RTN4: variants seen among roughly 807,000 people sequenced by gnomAD.
The protein encoded by RTN4 is reticulon 4, also known as reticulon-4.
In RTN4, 32 loss-of-function variants were observed where a neutral mutation model predicts 90.4. That is an observed-to-expected ratio of 0.35 (90% CI 0.27 to 0.48). The LOEUF (loss-of-function observed/expected upper bound fraction) is 0.48, where lower values mean the gene tolerates loss of function less well. RTN4 is among the 20% of genes least tolerant of loss of function. The pLI is 0.99. For missense variants in RTN4, 1,706 were observed against 1,430.2 expected, an observed-to-expected ratio of 1.19 and a Z score of -3.11; for synonymous variants, 629 against 552.5, an observed-to-expected ratio of 1.14 and a Z score of -1.94.
At chr2:55,006,873 G>A (rs186448106) in intron 3 of RTN4, among the ~76,000 whole-genome samples, 99 of 151,962 alleles carry the variant, frequency 6.5e-4, no homozygotes, top group South Asian at 1.2e-3. Context: ...CCCTAAAGCC[G>A]CAGACCTCCA....
intron 1 of RTN4, among the ~76,000 whole-genome samples, chr2:55,046,126 T>C (rs1220574654): frequency 6.6e-6 from 1 of 152,210 alleles, no homozygotes; most frequent in Non-Finnish European, 1.5e-5. Context: ...CAAGTGTCAG[T>C]GATCTAGAAA....
chr2:55,076,673 C>G (rs1400365291), intron 2 of RTN4, among the ~76,000 whole-genome samples: 1 of 151,990 alleles, frequency 6.6e-6, no homozygotes, highest in Non-Finnish European at 1.5e-5. Context: ...GGATTACAGG[C>G]GAGAGCCACT....
intron 1 of RTN4, among the ~76,000 whole-genome samples, chr2:55,106,417 C>A (rs1667944065): frequency 6.6e-6 from 1 of 152,072 alleles, no homozygotes; most frequent in African/African-American, 2.4e-5. Context: ...ATCTTTGTGT[C>A]TCCCAAAGCC....
chr2:55,084,068 A>G (rs1199876297), intron 1 of RTN4, among the ~76,000 whole-genome samples: 1 of 152,010 alleles, frequency 6.6e-6, no homozygotes. Flanking sequence ...TTTCAGCCCT[A>G]CTCTGCAACC....
intron 1 of RTN4, among the ~76,000 whole-genome samples, chr2:55,082,284 A>C (rs1668735460): frequency 6.6e-6 from 1 of 152,222 alleles, no homozygotes. Flanking sequence ...AGAAACGATC[A>C]TATATCACCT....
chr2:54,993,821 T>C (rs1012588151), intron 3 of RTN4, among the ~76,000 whole-genome samples: 1 of 152,098 alleles, frequency 6.6e-6, no homozygotes, highest in Non-Finnish European at 1.5e-5. Context: ...ACACATAAGA[T>C]AATATGAATA....
intron 1 of RTN4, among the ~76,000 whole-genome samples, chr2:55,030,204 TA>T (rs1453502423): frequency 1.3e-5 from 2 of 152,186 alleles, no homozygotes; most frequent in Non-Finnish European, 2.9e-5. Context: ...AGTATTTTTT[TA>T]ATGTACTGTA....
At chr2:54,976,957 A>G (rs930009688) in intron 5 of RTN4, among the ~76,000 whole-genome samples, 1 of 152,226 alleles carries the variant, frequency 6.6e-6, no homozygotes. Flanking sequence ...GATCTAACAA[A>G]TACTTACTGA....
intron 4 of RTN4, among the ~76,000 whole-genome samples, chr2:54,984,268 T>C (rs138403213): frequency 1.2e-3 from 188 of 152,340 alleles, no homozygotes; most frequent in African/African-American, 4.3e-3. Context: ...CTCTGAAATA[T>C]AGACACATGT....
chr2:55,066,693 A>AAAATAAAT (rs201230678), intron 2 of RTN4, among the ~76,000 whole-genome samples: 3,436 of 145,480 alleles, frequency 0.024, 45 homozygotes, highest in Middle Eastern at 0.055. Context: ...CTCCATCTCA[A>AAAATAAAT]AAATAAATAA....
At chr2:55,010,385 C>A in intron 3 of RTN4, 1 of 1,275,912 alleles carries the variant, frequency 7.8e-7, no homozygotes, top group Non-Finnish European at 9.9e-7. Flanking sequence ...TTGTTTTAGG[C>A]ATTTGCCTTG....
chr2:55,118,392 G>C, the RTN4 span, among the ~76,000 whole-genome samples: 2 of 152,014 alleles, frequency 1.3e-5, no homozygotes, highest in Non-Finnish European at 2.9e-5. Context: ...TGGAGCTCAA[G>C]AGGTCAAGGC....
In RTN4 at chr2:54,981,873, C is replaced by T. The variant is rs535295872; in HGVS notation, c.3360+642G>A. On this transcript the variant is annotated intron_variant, in intron 5 of 8. Coordinates refer to ENST00000337526, the MANE Select transcript of RTN4 (RefSeq NM_020532.5). ...TGAATAAATCTGATAATGCATTAGA[C>T]GATCTTTATGCTTATAGTCAAAATT... Among the ~76,000 whole-genome samples, 142 of 151,406 alleles carry T rather than the reference C, an allele frequency of 9.4e-4. 1 individual carries two copies. Among genetic ancestry groups the T allele is most frequent in the Non-Finnish European group, 1.9e-3 (130 of 67,852 alleles).
chr2:55,055,811 C>T (rs545186375), upstream of RTN4, among the ~76,000 whole-genome samples: 10 of 151,602 alleles, frequency 6.6e-5, no homozygotes, highest in Non-Finnish European at 1.5e-4. Flanking sequence ...ACCTACTGAC[C>T]ATCTAGGCTC....
chr2:54,973,214 T>G lies in RTN4; in HGVS notation c.3537-16A>C, dbSNP rs1193322178. The stretch of plus-strand genomic sequence containing the variant: ...TGCTTGGATTCTGAAAATGAAAAAG[T>G]CAATGTAAATATCAGTTTTGTTTGC... On this transcript the variant is annotated splice_polypyrimidine_tract_variant and intron_variant, in intron 8 of 8. Coordinates refer to ENST00000337526, the MANE Select transcript of RTN4 (RefSeq NM_020532.5). 1 of 1,597,838 alleles carries G rather than the reference T, an allele frequency of 6.3e-7. No individual in the cohort carries two copies. The highest frequency in any genetic ancestry group is 8.6e-7 in the Non-Finnish European group (1 of 1,166,780).
At chr2:55,074,445 A>G (rs912566542) in intron 2 of RTN4, among the ~76,000 whole-genome samples, 1 of 150,466 alleles carries the variant, frequency 6.6e-6, no homozygotes, top group Non-Finnish European at 1.5e-5. Flanking sequence ...TGAGGCTTCA[A>G]TGAGCTGTGA....
At chr2:54,975,925 C>T (rs1205250932) in intron 5 of RTN4, among the ~76,000 whole-genome samples, 1 of 152,128 alleles carries the variant, frequency 6.6e-6, no homozygotes, top group Non-Finnish European at 1.5e-5. Context: ...TTTTTTTAAG[C>T]TGCCGTATTC....
chr2:55,118,303 A>G, the RTN4 span, among the ~76,000 whole-genome samples: 4 of 152,072 alleles, frequency 2.6e-5, no homozygotes, highest in African/African-American at 7.2e-5. Flanking sequence ...TGCCTCTACA[A>G]ATATTTTAAA....
chr2:55,118,399 A>G, the RTN4 span, among the ~76,000 whole-genome samples: 2 of 152,052 alleles, frequency 1.3e-5, no homozygotes, highest in African/African-American at 4.8e-5. Flanking sequence ...CAAGAGGTCA[A>G]GGCTGCAGCG....
Sources: gnomAD v4.1 joint callset for allele counts (sites outside exome capture counted in the v4.1 genomes callset) on GRCh38, gnomAD v4.1.1 for gene constraint, MANE v1.5 for transcripts, NCBI Gene and HGNC (gene_info 2026-07-23, HGNC 2026-07-21) for gene names.